The following MAN1A2 variants were observed in gnomAD, a reference collection of about 807,000 sequenced individuals.
MAN1A2 encodes the protein mannosidase alpha class 1A member 2.
In MAN1A2, 26 loss-of-function variants were observed where a neutral mutation model predicts 75.7. That is an observed-to-expected ratio of 0.34 (90% CI 0.25 to 0.48). The LOEUF is 0.48. MAN1A2 is among the 20% of genes least tolerant of loss of function. The pLI is 0.99. For synonymous variants in MAN1A2, 247 were observed against 264.6 expected (o/e 0.93, Z 0.65); for missense variants, 562 against 775.5 (o/e 0.72, Z 3.27).
At chr1:117,385,063 T>G (rs1251315124) in intron 1 of MAN1A2, among the ~76,000 whole-genome samples, 1 of 152,214 alleles carries the variant, frequency 6.6e-6, no homozygotes, top group African/African-American at 2.4e-5. Context: ...TAGGTCTTGA[T>G]AAGCAGTCAG....
intron 1 of MAN1A2, among the ~76,000 whole-genome samples, chr1:117,383,531 TG>T (rs1220610506): frequency 6.6e-6 from 1 of 152,324 alleles, no homozygotes; most frequent in Non-Finnish European, 1.5e-5. Context: ...GAATGATTGC[TG>T]TTAATCCTTC....
At chr1:117,472,255 A>ATTTGAAT (rs1650183267) in intron 8 of MAN1A2, among the ~76,000 whole-genome samples, 1 of 152,064 alleles carries the variant, frequency 6.6e-6, no homozygotes, top group Admixed American at 6.6e-5. Flanking sequence ...GGAAAATCCT[A>ATTTGAAT]AGTTAAATAA....
chr1:117,420,748 G>C, intron 5 of MAN1A2, 99 bp downstream of exon 5: 1 of 867,218 alleles, frequency 1.2e-6, no homozygotes, highest in East Asian at 2.5e-5. Context: ...TTTCTAAATT[G>C]GTAATATTGA....
intron 5 of MAN1A2, among the ~76,000 whole-genome samples, chr1:117,434,427 C>T (rs981178870): frequency 8.6e-5 from 13 of 152,016 alleles, no homozygotes; most frequent in Non-Finnish European, 2.9e-5. Context: ...GAAAATAATT[C>T]GGCTGTGTGA....
chr1:117,414,360 T>C (rs1216077819), intron 3 of MAN1A2, among the ~76,000 whole-genome samples: 1 of 151,640 alleles, frequency 6.6e-6, no homozygotes, highest in Non-Finnish European at 1.5e-5. Flanking sequence ...TAATCCTCTT[T>C]TTTTTTCCTT....
At chr1:117,404,420 A>G (rs1416868077) in intron 2 of MAN1A2, among the ~76,000 whole-genome samples, 2 of 152,340 alleles carry the variant, frequency 1.3e-5, no homozygotes, top group African/African-American at 4.8e-5. Flanking sequence ...ACTAAGTGAT[A>G]CAAATAGTAT....
At chr1:117,400,472 T>A (rs1255021465) in intron 1 of MAN1A2, among the ~76,000 whole-genome samples, 6 of 147,714 alleles carry the variant, frequency 4.1e-5, no homozygotes, top group Admixed American at 1.4e-4. Flanking sequence ...ATTCTATCAT[T>A]AAAAAAAAAA....
At chr1:117,424,615 C>T (rs893056631) in intron 5 of MAN1A2, among the ~76,000 whole-genome samples, 1 of 152,166 alleles carries the variant, frequency 6.6e-6, no homozygotes, top group Non-Finnish European at 1.5e-5. Context: ...ATTTGGACCT[C>T]TAGTCTCTTT....
chr1:117,382,249 T>C (rs893935068), intron 1 of MAN1A2, among the ~76,000 whole-genome samples: 3 of 152,220 alleles, frequency 2.0e-5, no homozygotes, highest in Admixed American at 6.5e-5. Flanking sequence ...AGACATGAAG[T>C]CCTTGCCCAT....
intron 1 of MAN1A2, among the ~76,000 whole-genome samples, chr1:117,392,774 A>G (rs1653767406): frequency 1.3e-5 from 2 of 152,210 alleles, no homozygotes; most frequent in South Asian, 4.1e-4. Flanking sequence ...ACCTATACCT[A>G]ACTAGAGACA....
intron 11 of MAN1A2, among the ~76,000 whole-genome samples, chr1:117,500,855 T>C (rs1651178757): frequency 6.6e-6 from 1 of 151,834 alleles, no homozygotes; most frequent in Admixed American, 6.6e-5. Flanking sequence ...ACTTCTATTG[T>C]TAGCAGTGGC....
intron 1 of MAN1A2, among the ~76,000 whole-genome samples, chr1:117,380,154 TA>T (rs920290138): frequency 5.3e-5 from 8 of 152,128 alleles, no homozygotes; most frequent in East Asian, 3.8e-4. Flanking sequence ...ATTTATTCAT[TA>T]AAAAAATTAC....
intron 1 of MAN1A2, among the ~76,000 whole-genome samples, chr1:117,375,420 A>G (rs1416124522): frequency 6.6e-6 from 1 of 152,182 alleles, no homozygotes; most frequent in Non-Finnish European, 1.5e-5. Context: ...AGTTATACAA[A>G]TAGTTTTTTT....
chr1:117,405,902 A>AT (rs35979517), intron 3 of MAN1A2, among the ~76,000 whole-genome samples: 1 of 151,532 alleles, frequency 6.6e-6, no homozygotes, highest in Non-Finnish European at 1.5e-5. Flanking sequence ...TTTTTTTGGC[A>AT]TTTTTTTCTT....
Position 117,472,964 on chromosome 1 carries a change from T to G in MAN1A2, c.1168+6537T>G, listed in dbSNP as rs1451826328. On this transcript the variant is annotated intron_variant, in intron 8 of 12. Transcript: ENST00000356554. Reference sequence around the variant, plus strand: ...GTAGAGGTCAGTCCTCCATTCTCTCTTCTCTCCAGTGTCATAGTTTTAAAT... The same window carrying G: ...GTAGAGGTCAGTCCTCCATTCTCTCGTCTCTCCAGTGTCATAGTTTTAAAT... 2.0e-5 allele frequency among the ~76,000 whole-genome samples: 3 copies of G among 152,092 alleles called. No homozygotes were observed. The East Asian group carries it at 5.8e-4, about 30-fold the overall frequency.
intron 1 of MAN1A2, among the ~76,000 whole-genome samples, chr1:117,399,013 T>G (rs564044032): frequency 1.3e-5 from 2 of 152,266 alleles, no homozygotes; most frequent in Admixed American, 1.3e-4. Flanking sequence ...GCCTCCTTAT[T>G]GTGGTTCCAT....
intron 3 of MAN1A2, among the ~76,000 whole-genome samples, chr1:117,409,290 C>A (rs968045762): frequency 6.6e-6 from 1 of 151,968 alleles, no homozygotes; most frequent in Non-Finnish European, 1.5e-5. Flanking sequence ...TTTGCTGCAT[C>A]CCTGAGGTTT....
intron 1 of MAN1A2, among the ~76,000 whole-genome samples, chr1:117,400,399 A>G (rs1348691214): frequency 1.3e-5 from 2 of 150,050 alleles, no homozygotes; most frequent in South Asian, 2.1e-4. Flanking sequence ...TTCTTTTGGC[A>G]TACAGGTTTA....
At chr1:117,431,353 G>A (rs1034358279) in intron 5 of MAN1A2, among the ~76,000 whole-genome samples, 1 of 151,878 alleles carries the variant, frequency 6.6e-6, no homozygotes, top group Non-Finnish European at 1.5e-5. Context: ...AATCACAAAT[G>A]GAAGAATTAA....
Sources: gnomAD v4.1 joint callset for allele counts (sites outside exome capture counted in the v4.1 genomes callset) on GRCh38, gnomAD v4.1.1 for gene constraint, MANE v1.5 for transcripts, NCBI Gene and HGNC (gene_info 2026-07-23, HGNC 2026-07-21) for gene names.